DOCK7: variants seen among roughly 807,000 people sequenced by gnomAD.
DOCK7 encodes the protein dedicator of cytokinesis 7, also known as dedicator of cytokinesis protein 7.
DOCK7 carries 138 observed loss-of-function variants against 271.0 expected under a neutral mutation model. That is an observed-to-expected ratio of 0.51 (90% CI 0.44 to 0.59). The LOEUF (loss-of-function observed/expected upper bound fraction) is 0.59, where lower values mean the gene tolerates loss of function less well. Ranked by LOEUF, DOCK7 falls within the 20% of genes least tolerant of loss-of-function variation. The pLI is 0.00. For synonymous variants in DOCK7, 823 were observed against 876.1 expected, an observed-to-expected ratio of 0.94 and a Z score of 1.07; for missense variants, 2,066 against 2,592.4, an observed-to-expected ratio of 0.80 and a Z score of 4.41.
chr1:62,655,382 G>A (rs1657883262), intron 2 of DOCK7, among the ~76,000 whole-genome samples: 1 of 151,434 alleles, frequency 6.6e-6, no homozygotes, highest in Non-Finnish European at 1.5e-5. Context: ...ATCTGAAGGT[G>A]CTTTAACCTA....
rs542697576 is a variant in DOCK7 at position 62,534,960 on chromosome 1, G to A, written c.3611+533C>T. On this transcript the variant is annotated intron_variant, in intron 29 of 49. Coordinates refer to ENST00000635253, the MANE Select transcript of DOCK7 (RefSeq NM_001367561.1). ...AGAAAAATTAGCTGGGTGTGGTGAC[G>A]TGTGCCTGTAGTCCCAGCTTTGGGA... 2.0e-5 allele frequency among the ~76,000 whole-genome samples: 3 copies of A among 152,136 alleles called. No individual in the cohort carries two copies. In the South Asian group the frequency reaches 6.2e-4, roughly 32 times the overall value.
At position 62,543,686 on chromosome 1, in the gene DOCK7, T is replaced by G; in HGVS notation, c.2919A>C (p.Gln973His). 2 of 1,605,508 alleles carry G rather than the reference T, an allele frequency of 1.2e-6. No individual in the cohort carries two copies. The highest frequency in any genetic ancestry group is 1.7e-6 in the Non-Finnish European group (2 of 1,173,648). ...TAGTTGGTAAGCGTCCCGTTAATGT[T>G]TGTAAGAAACTTGACGTCTCTGTGT... is the stretch of plus-strand genomic sequence containing the variant. The part of the protein sequence containing the change: ...SSHTETSSFL[Q>H]TLTGRLPTKK... The change falls in exon 24 of 50, where the codon CAA (glutamine) becomes CAC (histidine). Residue 973 changes from glutamine (Q) to histidine (H), a missense_variant. By Grantham distance (24) the Gln-to-His change is conservative (BLOSUM62 0). This residue lies in a region of DOCK7 where 1,414 missense variants were observed against 1,670.4 expected (regional missense o/e 0.85). Transcript: ENST00000635253.
intron 34 of DOCK7, 126 bp downstream of exon 34, chr1:62,510,451 C>A (rs1644450632): frequency 1.7e-6 from 1 of 575,598 alleles, no homozygotes; most frequent in Admixed American, 4.0e-5. Context: ...ATTTTGTTCT[C>A]TAAGACTTAA....
At position 62,653,759 on chromosome 1, in the gene DOCK7, T is replaced by G. The variant is rs770851238; in HGVS notation, c.355A>C (p.Ser119Arg). ...MDPHVRDCIR[S>R]YTEDWAIVIR... ...ACAATTGCCCAGTCTTCTGTATAAC[T>G]TCTTATACAGTCTCTAACATGTGGA... is the stretch of plus-strand genomic sequence containing the variant. The change falls in exon 4 of 50, where the codon AGT (serine) becomes CGT (arginine). Residue 119 changes from serine (S) to arginine (R), a missense_variant. Ser to Arg is a moderately radical substitution (Grantham distance 110). Coordinates refer to ENST00000635253, the MANE Select transcript of DOCK7 (RefSeq NM_001367561.1). 2.5e-6 allele frequency: 4 copies of G among 1,594,462 alleles called. No individual in the cohort carries two copies.
At chr1:62,683,268 T>C (rs763971709) in intron 1 of DOCK7, among the ~76,000 whole-genome samples, 3 of 152,196 alleles carry the variant, frequency 2.0e-5, no homozygotes, top group Non-Finnish European at 2.9e-5. Context: ...CAGGGAAGTA[T>C]ATGTGTTCCG....
chr1:62,550,474 G>A (rs1557701614), intron 22 of DOCK7, among the ~76,000 whole-genome samples: 1 of 152,084 alleles, frequency 6.6e-6, no homozygotes. Context: ...GGTAATGAAA[G>A]AAGGAATTAA....
At chr1:62,538,089 C>T (rs1179369773) in intron 27 of DOCK7, 28 bp from the exon 28 acceptor site, 2 of 1,592,676 alleles carry the variant, frequency 1.3e-6, no homozygotes, top group African/African-American at 1.3e-5. Context: ...AGTAAGAGAA[C>T]ACCAATTGAA....
rs1462284818 is a variant in DOCK7, at chr1:62,648,437, CCAT to C, written c.494_496del (p.Asp165del). ...TACTTGATCATCCTGGTAGCTGTTG[CCAT>C]CTGGAGCTTCATCAGATTCAAAAAC... On this transcript the variant is annotated inframe_deletion, in exon 5 of 50. Transcript: ENST00000635253. The C allele has an allele frequency of 3.2e-6, 5 of 1,543,348 alleles. No homozygotes were observed. In the East Asian group the frequency reaches 1.2e-4, roughly 37 times the overall value.
In DOCK7 at chr1:62,528,157, C is replaced by T. The variant is rs755514767; in HGVS notation, c.3930G>A (p.Thr1310=). 1.4e-5 allele frequency: 23 copies of T among 1,608,718 alleles called. No homozygotes were observed. Among genetic ancestry groups the T allele is most frequent in the South Asian group, 8.9e-5 (8 of 89,752 alleles). The part of the protein sequence containing the change: ...QLTRPGSFLL[T]STSGRQHTTF... Reference sequence around the variant, plus strand: ...GTAGGAGGATTGTTTTTACCGTTGACGTGAGGAGGAAACTGCCAGGCCTTG... The same window carrying T: ...GTAGGAGGATTGTTTTTACCGTTGATGTGAGGAGGAAACTGCCAGGCCTTG... The change falls in exon 31 of 50, where the codon ACG becomes ACA. Residue 1310 remains threonine, a synonymous_variant. Coordinates refer to ENST00000635253, the MANE Select transcript of DOCK7 (RefSeq NM_001367561.1).
chr1:62,604,196 A>C (rs759381464), intron 14 of DOCK7: 1 of 1,613,412 alleles, frequency 6.2e-7, no homozygotes, highest in Non-Finnish European at 8.5e-7. Context: ...TTGGGATCAC[A>C]AAGCAAAAGG....
chr1:62,474,887 C>T (rs1176946802), intron 47 of DOCK7, among the ~76,000 whole-genome samples: 1 of 152,118 alleles, frequency 6.6e-6, no homozygotes, highest in Non-Finnish European at 1.5e-5. Context: ...ATTTAATCCT[C>T]ACAACTTATT....
chr1:62,656,026 C>T (rs1214656709), intron 2 of DOCK7, among the ~76,000 whole-genome samples: 1 of 152,088 alleles, frequency 6.6e-6, no homozygotes, highest in East Asian at 1.9e-4. Context: ...TCTACCTTAC[C>T]TATCTTATTA....
At chr1:62,475,546 G>T (rs1380176663) in intron 46 of DOCK7, 161 bp downstream of exon 46, 3 of 1,071,606 alleles carry the variant, frequency 2.8e-6, no homozygotes, top group Non-Finnish European at 2.7e-6. Context: ...GTGAATTAGG[G>T]TCTTAGAAAA....
intron 41 of DOCK7, among the ~76,000 whole-genome samples, chr1:62,489,657 A>G (rs1646402231): frequency 1.3e-5 from 2 of 152,186 alleles, no homozygotes; most frequent in Non-Finnish European, 2.9e-5. Flanking sequence ...TTATATTTCT[A>G]TAATTTGAAT....
chr1:62,629,667 C>A (rs1654380633), intron 11 of DOCK7: 1 of 152,170 alleles, frequency 6.6e-6, no homozygotes, highest in Admixed American at 6.5e-5. Flanking sequence ...GCAGTGGTTG[C>A]AGAACCCTGT....
intron 1 of DOCK7, among the ~76,000 whole-genome samples, chr1:62,665,443 C>T (rs1188774529): frequency 6.6e-6 from 1 of 151,914 alleles, no homozygotes; most frequent in Admixed American, 6.5e-5. Context: ...CGGTGGCTCG[C>T]GCCTGTAATC....
In DOCK7 at chr1:62,492,754, CAG is replaced by C. The variant is rs1427103988; in HGVS notation, c.5309_5310del (p.Thr1770ArgfsTer22). 1 of 1,614,002 alleles carries C rather than the reference CAG, an allele frequency of 6.2e-7. No homozygotes were observed. The highest frequency in any genetic ancestry group is 1.3e-5 in the African/African-American group (1 of 74,932). On this transcript the variant is annotated frameshift_variant, in exon 41 of 50. Transcript: ENST00000635253. LOFTEE classifies it high-confidence loss of function. ...TCCAGTAATCCCACAAGTCCTGACT[CAG>C]TAAAGTATTTTCCAGAGCAGATACC... The part of the protein sequence containing the change: ...EEGICSGKYF[T>X]ESGLVGLLEQ...
chr1:62,609,336 T>C (rs964150625), intron 14 of DOCK7: 11 of 152,322 alleles, frequency 7.2e-5, no homozygotes, highest in Middle Eastern at 3.4e-3. Flanking sequence ...AGAACAGTCA[T>C]ACATCTAATA....
At chr1:62,489,090 T>C (rs781352984) in intron 41 of DOCK7, 25 bp from the exon 42 acceptor site, 1 of 1,543,392 alleles carries the variant, frequency 6.5e-7, no homozygotes, top group East Asian at 2.3e-5. Context: ...TTTGTTAAGA[T>C]GTTGCTTTCT....
Sources: allele counts gnomAD v4.1 joint callset (sites outside exome capture counted in the v4.1 genomes callset), GRCh38; gene constraint gnomAD v4.1.1; regional missense constraint gnomAD v4.1.1; transcripts MANE v1.5; gene names NCBI Gene and HGNC (gene_info 2026-07-23, HGNC 2026-07-21).